Variants in MRTFB observed in about 807,000 individuals in gnomAD.
MRTFB encodes the protein myocardin-related transcription factor B.
Under a neutral mutation model 104.2 loss-of-function variants are expected in MRTFB, and 29 were observed. That is an observed-to-expected ratio of 0.28 (90% CI 0.21 to 0.38). The LOEUF (loss-of-function observed/expected upper bound fraction) is 0.38. Ranked by LOEUF, MRTFB falls within the 10% of genes least tolerant of loss-of-function variation. The pLI, the probability that MRTFB is intolerant of heterozygous loss-of-function variation, is 1.00. For missense variants in MRTFB, 1,270 were observed against 1,341.6 expected (o/e 0.95, Z 0.83); for synonymous variants, 535 against 519.5 (o/e 1.03, Z -0.41).
At chr16:14,069,813 CT>C (rs2141738079), upstream of MRTFB, among the ~76,000 whole-genome samples, 1 of 152,280 alleles carries the variant, frequency 6.6e-6, no homozygotes, top group South Asian at 2.1e-4. Flanking sequence ...AGCTGTGTTT[CT>C]CTGGAGAACC....
chr16:14,150,096 C>T (rs1008397851), intron 3 of MRTFB, among the ~76,000 whole-genome samples: 1 of 152,158 alleles, frequency 6.6e-6, no homozygotes, highest in Non-Finnish European at 1.5e-5. Context: ...GATGGAGGCA[C>T]CAACTTTGGA....
intron 2 of MRTFB, among the ~76,000 whole-genome samples, chr16:14,102,155 T>TAAA (rs199863013): frequency 6.6e-6 from 1 of 150,582 alleles, no homozygotes. Context: ...CTGAGTCTTT[T>TAAA]TAAAAAAAAA....
chr16:14,070,635 A>C (rs932965930), upstream of MRTFB, among the ~76,000 whole-genome samples: 1 of 152,242 alleles, frequency 6.6e-6, no homozygotes, highest in Non-Finnish European at 1.5e-5. Flanking sequence ...CATTGAAAAC[A>C]GATTGTAGCA....
At chr16:14,212,761 T>A (rs182173949) in intron 5 of MRTFB, among the ~76,000 whole-genome samples, 22 of 152,322 alleles carry the variant, frequency 1.4e-4, no homozygotes, top group Admixed American at 1.4e-3. Flanking sequence ...CAGCCAAGGA[T>A]GTGGTGACAC....
the MRTFB span, among the ~76,000 whole-genome samples, chr16:14,028,206 C>CAACACAACAA: frequency 1.3e-5 from 2 of 151,196 alleles, no homozygotes; most frequent in Non-Finnish European, 2.9e-5. Context: ...AAACACAACA[C>CAACACAACAA]AACAAAACAA....
chr16:14,244,360 C>G (rs184918213), intron 10 of MRTFB, among the ~76,000 whole-genome samples: 71 of 152,236 alleles, frequency 4.7e-4, no homozygotes, highest in African/African-American at 1.6e-3. Context: ...TAGTCTGTGT[C>G]TTTTGGCATA....
the MRTFB span, among the ~76,000 whole-genome samples, chr16:14,007,557 CAT>C: frequency 6.6e-6 from 1 of 152,094 alleles, no homozygotes; most frequent in South Asian, 2.1e-4. Flanking sequence ...TTTGTGTGGA[CAT>C]ATGTTTTCAT....
Position 14,261,040 on chromosome 16 carries a change from G to A in MRTFB, c.2896G>A (p.Val966Ile), listed in dbSNP as rs746541310. ...ACCCCAAGTCCAAATGGCACCACCTGTATCTTTAGAACCTATGGGCAGTTT... is the reference window on the plus strand; with the variant it reads ...ACCCCAAGTCCAAATGGCACCACCTATATCTTTAGAACCTATGGGCAGTTT... ...PPPQVQMAPP[V>I]SLEPMGSLSA... Residue 966 changes from valine to isoleucine, a missense_variant, in exon 17 of 17, where the codon GTA (valine) becomes ATA (isoleucine). Transcript: ENST00000571589. The A allele has an allele frequency of 6.2e-7, 1 of 1,614,162 alleles. No homozygotes were observed. The highest frequency in any genetic ancestry group is 8.5e-7 in the Non-Finnish European group (1 of 1,180,026).
intron 3 of MRTFB, among the ~76,000 whole-genome samples, chr16:14,165,310 G>C (rs758510477): frequency 6.6e-6 from 1 of 152,068 alleles, no homozygotes; most frequent in East Asian, 1.9e-4. Flanking sequence ...ATTGGAATAG[G>C]CTGTTAATTG....
intron 3 of MRTFB, among the ~76,000 whole-genome samples, chr16:14,171,755 C>T (rs925729359): frequency 1.3e-5 from 2 of 152,134 alleles, no homozygotes; most frequent in Non-Finnish European, 2.9e-5. Flanking sequence ...CTAACCTATT[C>T]CACTGTGAAA....
At chr16:14,184,932 T>A (rs1311744276) in intron 3 of MRTFB, among the ~76,000 whole-genome samples, 7 of 152,200 alleles carry the variant, frequency 4.6e-5, no homozygotes, top group Non-Finnish European at 7.3e-5. Context: ...GCATACACAA[T>A]CATAGCGACC....
At chr16:14,245,202 A>G (rs2042958814) in intron 10 of MRTFB, among the ~76,000 whole-genome samples, 1 of 152,110 alleles carries the variant, frequency 6.6e-6, no homozygotes, top group Admixed American at 6.5e-5. Flanking sequence ...TGTATCAGCA[A>G]CATCACACAT....
At chr16:14,220,284 CCA>C (rs1359514740) in intron 8 of MRTFB, among the ~76,000 whole-genome samples, 1 of 152,292 alleles carries the variant, frequency 6.6e-6, no homozygotes. Context: ...CAAGTAGATA[CCA>C]TTAACAAACA....
intron 7 of MRTFB, 76 bp from the exon 8 acceptor site, chr16:14,218,744 A>ATGTT: frequency 7.0e-7 from 1 of 1,419,434 alleles, no homozygotes; most frequent in Non-Finnish European, 9.5e-7. Flanking sequence ...ATAGGAAACA[A>ATGTT]TGTTTTCCTC....
At position 14,202,119 on chromosome 16, in the gene MRTFB, CAAA is replaced by C. The variant is rs57738397; in HGVS notation, c.155-8112_155-8110del. 8.6e-3 allele frequency among the ~76,000 whole-genome samples: 901 copies of C among 105,172 alleles called. 7 individuals are homozygous for C. The highest frequency in any genetic ancestry group is 0.027 in the African/African-American group (855 of 31,362). 69.0% of individuals were successfully genotyped at this position (105,172 alleles called of 152,430 possible). ...GTATAAAATTCTACTGTTTACAAGG[CAAA>C]AAAAAAAAAAAGAGCTAGATTCCTT... On this transcript the variant is annotated intron_variant, in intron 3 of 16. Coordinates refer to ENST00000571589, the MANE Select transcript of MRTFB (RefSeq NM_001308142.2).
intron 3 of MRTFB, among the ~76,000 whole-genome samples, chr16:14,207,074 G>T (rs1466234987): frequency 6.6e-6 from 1 of 152,090 alleles, no homozygotes; most frequent in Non-Finnish European, 1.5e-5. Flanking sequence ...CTTTCCCATG[G>T]ATTTGTACCC....
At chr16:14,027,001 T>C in the MRTFB span, among the ~76,000 whole-genome samples, 4 of 152,202 alleles carry the variant, frequency 2.6e-5, no homozygotes, top group Non-Finnish European at 5.9e-5. Context: ...TAGCAGTTTC[T>C]TACACAGTTA....
rs897362913 is a variant in MRTFB at position 14,140,923 on chromosome 16, C to T, written c.154+163C>T. The T allele has an allele frequency of 8.1e-6, 5 of 620,636 alleles. No homozygotes were observed. In the East Asian group the frequency reaches 1.4e-4, roughly 18 times the overall value. The allele number at this position is 620,636 out of a possible 1,614,324, so 38.4% of individuals were successfully genotyped here. A position where few individuals can be genotyped will look rare whatever the true frequency, so the allele number is the denominator to read the frequency against. On this transcript the variant is annotated intron_variant, in intron 3 of 16. Transcript: ENST00000571589. ...TGGTTTTTAATAACAGGCAGAATTT[C>T]ACTTTCCATTCAGTTCTTTCATTAT...
At chr16:14,158,570 A>G (rs976813934) in intron 3 of MRTFB, among the ~76,000 whole-genome samples, 3 of 152,210 alleles carry the variant, frequency 2.0e-5, no homozygotes, top group Non-Finnish European at 2.9e-5. Flanking sequence ...AAAAAATATA[A>G]CTTTCACATG....
Sources: allele counts gnomAD v4.1 joint callset (sites outside exome capture counted in the v4.1 genomes callset), GRCh38; gene constraint gnomAD v4.1.1; transcripts MANE v1.5; gene names NCBI Gene and HGNC (gene_info 2026-07-23, HGNC 2026-07-21).